Variants in AAGAB observed in about 807,000 individuals in gnomAD.
The protein encoded by AAGAB is alpha and gamma adaptin binding protein, also known as alpha- and gamma-adaptin-binding protein p34.
A neutral mutation model predicts 44.1 loss-of-function variants in AAGAB; 38 were observed. That is an observed-to-expected ratio of 0.86 (90% CI 0.67 to 1.13). The LOEUF is 1.13. Ranked by LOEUF, AAGAB falls within the 50% of genes most tolerant of loss-of-function variation. AAGAB has a pLI of 0.00. For missense variants in AAGAB, 450 were observed against 373.8 expected, an observed-to-expected ratio of 1.20 and a Z score of -1.68; for synonymous variants, 131 against 131.8, an observed-to-expected ratio of 0.99 and a Z score of 0.04.
chr15:67,208,875 A>AT (rs1361143393), intron 6 of AAGAB, among the ~76,000 whole-genome samples: 1 of 152,212 alleles, frequency 6.6e-6, no homozygotes, highest in Non-Finnish European at 1.5e-5. Flanking sequence ...GAAAGCGTTG[A>AT]TTTTGCTTTA....
intron 5 of AAGAB, among the ~76,000 whole-genome samples, chr15:67,227,821 A>G (rs1567023233): frequency 6.6e-6 from 1 of 152,230 alleles, no homozygotes; most frequent in African/African-American, 2.4e-5. Context: ...CCTGGGTTGC[A>G]TCAAAATGTC....
At position 67,254,403 on chromosome 15, in the gene AAGAB, G is replaced by C; in HGVS notation, c.73+156C>G. ...CAGAAAAGCACGAGATTAAGAGATA[G>C]GGGCAGCCACCTGGGGAGACTGGGC... On this transcript the variant is annotated intron_variant, in intron 1 of 9. Coordinates refer to ENST00000261880, the MANE Select transcript of AAGAB (RefSeq NM_024666.5). 3.5e-6 allele frequency: 5 copies of C among 1,424,572 alleles called. No individual in the cohort carries two copies. In the South Asian group the frequency reaches 6.3e-5, roughly 18 times the overall value. The allele number at this position is 1,424,572 out of a possible 1,614,324, so 88.2% of individuals were successfully genotyped here. A position where few individuals can be genotyped will look rare whatever the true frequency, so the allele number is the denominator to read the frequency against.
At chr15:67,250,184 T>C (rs1313431651) in intron 1 of AAGAB, among the ~76,000 whole-genome samples, 1 of 152,190 alleles carries the variant, frequency 6.6e-6, no homozygotes, top group Non-Finnish European at 1.5e-5. Context: ...TTTTTTTCTT[T>C]ACTGGAGACT....
chr15:67,231,196 T>C (rs1036159483), intron 5 of AAGAB, among the ~76,000 whole-genome samples: 1 of 152,168 alleles, frequency 6.6e-6, no homozygotes, highest in Admixed American at 6.5e-5. Flanking sequence ...CATACCACCA[T>C]GCCCAGCTAA....
rs554872495 is a variant in AAGAB, at chr15:67,217,488, T to C, written c.536-7944A>G. On this transcript the variant is annotated intron_variant, in intron 5 of 9. Transcript: ENST00000261880. Reference sequence around the variant, plus strand: ...TTTAAGGCATTAGCCATCTGCTTTCTCAGGAGAGCAGCCCAAGTATCACAG... The same window carrying C: ...TTTAAGGCATTAGCCATCTGCTTTCCCAGGAGAGCAGCCCAAGTATCACAG... 1.1e-4 allele frequency among the ~76,000 whole-genome samples: 16 copies of C among 152,352 alleles called. No individual in the cohort carries two copies. The East Asian group carries it at 2.7e-3, about 26-fold the overall frequency.
Position 67,201,040 on chromosome 15 carries a change from TCA to T in AAGAB, c.*1779_*1780del, listed in dbSNP as rs1276853744. Reference sequence around the variant, plus strand: ...GACATTAGCACAGTTTATAAATAAATCACATTTTAATCATCTGGCTTTGTTTA... The same window carrying T: ...GACATTAGCACAGTTTATAAATAAATCATTTTAATCATCTGGCTTTGTTTA... On this transcript the variant is annotated 3_prime_UTR_variant, in exon 10 of 10. Coordinates refer to ENST00000261880, the MANE Select transcript of AAGAB (RefSeq NM_024666.5). The T allele has an allele frequency of 2.6e-5, 4 of 152,290 alleles. No homozygotes were observed. 9.4% of individuals were successfully genotyped at this position (152,290 alleles called of 1,614,324 possible). A position where few individuals can be genotyped will look rare whatever the true frequency, so the allele number is the denominator to read the frequency against.
chr15:67,254,705 G>C (rs886739089), upstream of AAGAB: 1 of 1,480,498 alleles, frequency 6.8e-7, no homozygotes, highest in Admixed American at 1.9e-5. Flanking sequence ...CGGCGCGAGG[G>C]GGAGACAGGC....
At position 67,222,242 on chromosome 15, in the gene AAGAB, G is replaced by GCGCGCGTGCACA. The variant is rs1367738219; in HGVS notation, c.535+9571_535+9572insTGTGCACGCGCG. On this transcript the variant is annotated intron_variant, in intron 5 of 9. Transcript: ENST00000261880. ...TGCATGCACGCGCACGCGCGCGCGC[G>GCGCGCGTGCACA]CACACACACACACACACACACACAC... Among the ~76,000 whole-genome samples the GCGCGCGTGCACA allele has an allele frequency of 8.9e-5, 8 of 90,128 alleles. No homozygotes were observed. In the East Asian group the frequency reaches 3.7e-3, roughly 42 times the overall value. 59.1% of individuals were successfully genotyped at this position (90,128 alleles called of 152,430 possible). A position where few individuals can be genotyped will look rare whatever the true frequency, so the allele number is the denominator to read the frequency against.
intron 1 of AAGAB, among the ~76,000 whole-genome samples, chr15:67,244,032 A>G (rs1411685778): frequency 6.6e-6 from 1 of 152,246 alleles, no homozygotes; most frequent in African/African-American, 2.4e-5. Context: ...TAAACAAATT[A>G]GCATGAAGTA....
intron 1 of AAGAB, among the ~76,000 whole-genome samples, chr15:67,241,166 G>C (rs1204718662): frequency 6.6e-6 from 1 of 151,872 alleles, no homozygotes; most frequent in Non-Finnish European, 1.5e-5. Context: ...TCTAAACTAG[G>C]CATGTTGATA....
At chr15:67,237,265 A>G (rs930505313) in intron 1 of AAGAB, among the ~76,000 whole-genome samples, 3 of 152,220 alleles carry the variant, frequency 2.0e-5, no homozygotes, top group Non-Finnish European at 4.4e-5. Flanking sequence ...CTAAACCATT[A>G]ATAAAATAGA....
At chr15:67,215,851 C>T (rs964137679) in intron 5 of AAGAB, among the ~76,000 whole-genome samples, 7 of 152,218 alleles carry the variant, frequency 4.6e-5, no homozygotes, top group Admixed American at 2.6e-4. Flanking sequence ...TCAATTTATT[C>T]TTTTTCACTA....
chr15:67,249,881 AC>A (rs1255145162), intron 1 of AAGAB, among the ~76,000 whole-genome samples: 1 of 152,240 alleles, frequency 6.6e-6, no homozygotes, highest in African/African-American at 2.4e-5. Context: ...GGATACAAAG[AC>A]CAAACTAAAT....
chr15:67,208,700 C>T (rs367950785), intron 6 of AAGAB, 42 bp from the exon 7 acceptor site: 1 of 1,568,576 alleles, frequency 6.4e-7, no homozygotes, highest in Admixed American at 1.7e-5. Flanking sequence ...TAATCGTAGT[C>T]TATTTCAGAA....
At chr15:67,222,282 A>ACACACACACACACACCCC (rs796412643) in intron 5 of AAGAB, among the ~76,000 whole-genome samples, 6 of 139,846 alleles carry the variant, frequency 4.3e-5, no homozygotes, top group Admixed American at 2.9e-4. Context: ...ACACACACAC[A>ACACACACACACACACCCC]CCCTCCACCC....
At chr15:67,225,399 TTTA>T (rs1359152606) in intron 5 of AAGAB, among the ~76,000 whole-genome samples, 1 of 152,230 alleles carries the variant, frequency 6.6e-6, no homozygotes, top group East Asian at 1.9e-4. Flanking sequence ...TTTCTTTCTT[TTTA>T]TTGAGATTTA....
Position 67,201,636 on chromosome 15 carries a change from A to G in AAGAB, c.*1185T>C, listed in dbSNP as rs568376750. 2.0e-5 allele frequency: 3 copies of G among 152,474 alleles called. No homozygotes were observed. The highest frequency in any genetic ancestry group is 4.8e-5 in the African/African-American group (2 of 41,576). 9.4% of individuals were successfully genotyped at this position (152,474 alleles called of 1,614,324 possible). A position where few individuals can be genotyped will look rare whatever the true frequency, so the allele number is the denominator to read the frequency against. On this transcript the variant is annotated 3_prime_UTR_variant, in exon 10 of 10. Transcript: ENST00000261880. The stretch of plus-strand genomic sequence containing the variant: ...CCAGTTCAGAGCCACAGCAGTAATG[A>G]TCACAGTGAGGGCTAATGATATGCA...
chr15:67,214,087 T>C (rs1185734872), intron 5 of AAGAB, among the ~76,000 whole-genome samples: 1 of 152,230 alleles, frequency 6.6e-6, no homozygotes, highest in Non-Finnish European at 1.5e-5. Flanking sequence ...TGATAACATG[T>C]AAAGAGTTGA....
intron 5 of AAGAB, among the ~76,000 whole-genome samples, chr15:67,226,263 G>C (rs1964202180): frequency 2.6e-5 from 4 of 152,122 alleles, no homozygotes; most frequent in Admixed American, 2.0e-4. Flanking sequence ...CTCCCCAATA[G>C]CTGGGACTAC....
Sources: allele counts gnomAD v4.1 joint callset (sites outside exome capture counted in the v4.1 genomes callset), GRCh38; gene constraint gnomAD v4.1.1; transcripts MANE v1.5; gene names NCBI Gene and HGNC (gene_info 2026-07-23, HGNC 2026-07-21).